The following MBNL1 variants were observed in gnomAD, a reference collection of about 807,000 sequenced individuals.
The protein encoded by MBNL1 is muscleblind-like protein 1.
Under a neutral mutation model 42.2 loss-of-function variants are expected in MBNL1, and 8 were observed. The observed-to-expected ratio is 0.19, with a 90% CI of 0.11 to 0.34. The LOEUF is 0.34. Among genes scored for constraint, MBNL1 ranks in the 10% least tolerant of loss-of-function variants. The probability of loss-of-function intolerance (pLI) is 1.00; values close to 1 mark genes in which losing one functional copy is unlikely to be tolerated. For missense variants in MBNL1, 309 were observed against 495.3 expected (o/e 0.62, Z 3.57); for synonymous variants, 169 against 173.9 (o/e 0.97, Z 0.22).
intron 2 of MBNL1, among the ~76,000 whole-genome samples, chr3:152,260,448 G>A (rs1160952532): frequency 6.6e-6 from 1 of 152,124 alleles, no homozygotes; most frequent in Non-Finnish European, 1.5e-5. Context: ...ACTTGTTTGT[G>A]TTTATAATTT....
intron 6 of MBNL1, among the ~76,000 whole-genome samples, chr3:152,454,257 T>A (rs1029373271): frequency 1.3e-5 from 2 of 152,224 alleles, no homozygotes; most frequent in African/African-American, 4.8e-5. Context: ...CTAATTGTGA[T>A]AACAAACTAA....
chr3:152,425,629 A>C (rs1400551362), intron 3 of MBNL1, among the ~76,000 whole-genome samples: 1 of 152,114 alleles, frequency 6.6e-6, no homozygotes, highest in Non-Finnish European at 1.5e-5. Context: ...AAAAGAAAGA[A>C]ATGCAAATCA....
At chr3:152,449,240 G>A (rs1458820957) in intron 6 of MBNL1, 1 of 152,018 alleles carries the variant, frequency 6.6e-6, no homozygotes, top group Non-Finnish European at 1.5e-5. Context: ...TATTTTATTG[G>A]CTAAAACATT....
chr3:152,328,204 A>G (rs1019973901), intron 2 of MBNL1, among the ~76,000 whole-genome samples: 1 of 152,152 alleles, frequency 6.6e-6, no homozygotes, highest in Non-Finnish European at 1.5e-5. Flanking sequence ...CAGTTTCTAA[A>G]GGCTTGTGAA....
At chr3:152,253,918 T>C (rs2035059091) in intron 2 of MBNL1, among the ~76,000 whole-genome samples, 1 of 152,196 alleles carries the variant, frequency 6.6e-6, no homozygotes, top group South Asian at 2.1e-4. Context: ...ACACAACATG[T>C]TGATTTTTAT....
At chr3:152,458,113 T>A (rs1372837009) in intron 8 of MBNL1, 1 of 1,612,906 alleles carries the variant, frequency 6.2e-7, no homozygotes, top group Admixed American at 1.7e-5. Context: ...TTGAAGGTCC[T>A]TGGTATGTTT....
intron 2 of MBNL1, among the ~76,000 whole-genome samples, chr3:152,363,883 G>A (rs1049295635): frequency 1.3e-5 from 2 of 151,762 alleles, no homozygotes; most frequent in African/African-American, 4.8e-5. Context: ...ATCAATTCCT[G>A]CCCATTTGTA....
intron 2 of MBNL1, among the ~76,000 whole-genome samples, chr3:152,404,849 A>T (rs2098383398): frequency 6.6e-6 from 1 of 151,466 alleles, no homozygotes; most frequent in Admixed American, 6.6e-5. Context: ...TGTCAGTGAA[A>T]TATATAGATA....
At chr3:152,453,048 C>T (rs980137514) in intron 6 of MBNL1, among the ~76,000 whole-genome samples, 18 of 151,240 alleles carry the variant, frequency 1.2e-4, no homozygotes, top group Non-Finnish European at 2.4e-4. Context: ...TAATAAATTA[C>T]TTATAATTAA....
intron 1 of MBNL1, among the ~76,000 whole-genome samples, chr3:152,285,189 A>G (rs2050845628): frequency 6.6e-6 from 1 of 152,180 alleles, no homozygotes; most frequent in Non-Finnish European, 1.5e-5. Context: ...CAGTAGTGGT[A>G]CCTCCAATAA....
At position 152,415,068 on chromosome 3, in the gene MBNL1, A is replaced by G; in HGVS notation, c.302A>G (p.Gln101Arg). The G allele has an allele frequency of 6.2e-7, 1 of 1,608,568 alleles. No homozygotes were observed. Among genetic ancestry groups the G allele is most frequent in the Non-Finnish European group, 8.5e-7 (1 of 1,177,736 alleles). Reference protein sequence around the residue: ...KNMAMLAQQMQLANAMMPGAP... With the variant: ...KNMAMLAQQMRLANAMMPGAP... The stretch of plus-strand genomic sequence containing the variant: ...ATGGCCATGTTGGCCCAGCAAATGC[A>G]ACTAGCCAATGCCATGATGCCTGGT... Residue 101 changes from glutamine (Q) to arginine (R), a missense_variant, in exon 3 of 10, where the codon CAA becomes CGA. Gln to Arg is a conservative substitution (Grantham distance 43). Coordinates refer to ENST00000324210, the MANE Select transcript of MBNL1 (RefSeq NM_021038.5).
intron 2 of MBNL1, among the ~76,000 whole-genome samples, chr3:152,353,262 G>T (rs554461691): frequency 9.8e-5 from 15 of 152,286 alleles, no homozygotes; most frequent in Non-Finnish European, 1.8e-4. Flanking sequence ...CTGATGTGTG[G>T]CTTCCAAAGT....
At chr3:152,446,921 A>G (rs1177507799) in intron 5 of MBNL1, among the ~76,000 whole-genome samples, 2 of 152,190 alleles carry the variant, frequency 1.3e-5, no homozygotes, top group South Asian at 2.1e-4. Context: ...TAGAAAGACT[A>G]TAATCTAAGT....
At chr3:152,367,634 C>T (rs2153222385) in intron 2 of MBNL1, among the ~76,000 whole-genome samples, 1 of 152,346 alleles carries the variant, frequency 6.6e-6, no homozygotes, top group East Asian at 1.9e-4. Context: ...AACTAATTTA[C>T]AGTCCCACCA....
At chr3:152,445,815 T>C (rs1249163548) in intron 5 of MBNL1, among the ~76,000 whole-genome samples, 2 of 152,198 alleles carry the variant, frequency 1.3e-5, no homozygotes, top group African/African-American at 4.8e-5. Flanking sequence ...AAGAACCACC[T>C]GTCTCCTTTT....
intron 4 of MBNL1, among the ~76,000 whole-genome samples, chr3:152,440,818 A>C (rs1205460665): frequency 6.6e-6 from 1 of 152,226 alleles, no homozygotes; most frequent in African/African-American, 2.4e-5. Context: ...TGCTGTGGAC[A>C]CTTTGATCAA....
intron 1 of MBNL1, chr3:152,269,799 G>C (rs1345601633): frequency 2.4e-5 from 4 of 170,152 alleles, no homozygotes; most frequent in African/African-American, 9.6e-5. Context: ...AAGCTCTTTG[G>C]GTGGAGCCGC....
chr3:152,378,102 C>T (rs552359534), intron 2 of MBNL1, among the ~76,000 whole-genome samples: 1 of 152,106 alleles, frequency 6.6e-6, no homozygotes, highest in East Asian at 1.9e-4. Context: ...TTTGAGAAGC[C>T]AAGGCAGGAA....
chr3:152,335,222 T>C, intron 2 of MBNL1: 1 of 1,289,754 alleles, frequency 7.8e-7, no homozygotes, highest in South Asian at 1.2e-5. Flanking sequence ...AGTTGGCTAA[T>C]GGATGCTGGT....
Sources: allele counts gnomAD v4.1 joint callset (sites outside exome capture counted in the v4.1 genomes callset), GRCh38; gene constraint gnomAD v4.1.1; transcripts MANE v1.5; gene names NCBI Gene and HGNC (gene_info 2026-07-23, HGNC 2026-07-21).